Variants in RTF2 observed in about 807,000 individuals in gnomAD.
RTF2 encodes the protein UPF0549 protein C20orf43.
A neutral mutation model predicts 38.0 loss-of-function variants in RTF2; 18 were observed. The ratio of observed to expected loss-of-function variants is 0.47; its 90% CI spans 0.33 to 0.70. The LOEUF (loss-of-function observed/expected upper bound fraction) is 0.70. Ranked by LOEUF, RTF2 falls within the 30% of genes least tolerant of loss-of-function variation. The pLI, the probability that RTF2 is intolerant of heterozygous loss-of-function variation, is 0.02. For synonymous variants in RTF2, 126 were observed against 137.1 expected (o/e 0.92, Z 0.57); for missense variants, 311 against 379.6 (o/e 0.82, Z 1.50).
chr20:56,473,277 A>G (rs776048802), intron 1 of RTF2, 24 bp from the exon 2 acceptor site: 1 of 1,545,036 alleles, frequency 6.5e-7, no homozygotes, highest in East Asian at 2.2e-5. Context: ...TTGAAAATTA[A>G]TTGAATTTTT....
rs80209363 is a variant in RTF2, at chr20:56,498,590, A to G, written c.477+14401A>G. Reference sequence around the variant, plus strand: ...TAATAACATTATTTGATAATCATGTAGTTGTTTGTCTTGAGTCTACAGAGG... The same window carrying G: ...TAATAACATTATTTGATAATCATGTGGTTGTTTGTCTTGAGTCTACAGAGG... On this transcript the variant is annotated intron_variant, in intron 5 of 8. Coordinates refer to ENST00000357348, the MANE Select transcript of RTF2 (RefSeq NM_016407.5). Among the ~76,000 whole-genome samples, 1,030 of 152,280 alleles carry G rather than the reference A, an allele frequency of 6.8e-3. 13 individuals are homozygous for G. The highest frequency in any genetic ancestry group is 0.024 in the African/African-American group (980 of 41,548).
chr20:56,504,824 C>T (rs551318356), intron 5 of RTF2, among the ~76,000 whole-genome samples: 4 of 152,346 alleles, frequency 2.6e-5, no homozygotes, highest in African/African-American at 4.8e-5. Context: ...TGTGCCTTGA[C>T]GCCTAAGCGG....
intron 5 of RTF2, among the ~76,000 whole-genome samples, chr20:56,507,607 GTC>G (rs1984363900): frequency 6.6e-6 from 1 of 152,202 alleles, no homozygotes; most frequent in Non-Finnish European, 1.5e-5. Context: ...CCTCTGAACA[GTC>G]TGATCTAGAG....
At chr20:56,480,334 C>T (rs1982470023) in intron 4 of RTF2, among the ~76,000 whole-genome samples, 1 of 152,188 alleles carries the variant, frequency 6.6e-6, no homozygotes, top group Admixed American at 6.5e-5. Context: ...AGCTTTCTTG[C>T]CTCTGTCAGC....
chr20:56,518,927 G>A lies in RTF2; in HGVS notation c.*662G>A, dbSNP rs552564473. On this transcript the variant is annotated 3_prime_UTR_variant, in exon 9 of 9. Transcript: ENST00000357348. Reference sequence around the variant, plus strand: ...TTTTCTACCTTCTGCTCATGCTTGGGTAAGAACATTGCAGCCGTTGCATTG... The same window carrying A: ...TTTTCTACCTTCTGCTCATGCTTGGATAAGAACATTGCAGCCGTTGCATTG... The A allele has an allele frequency of 6.6e-6, 1 of 152,294 alleles. No individual in the cohort carries two copies. The highest frequency in any genetic ancestry group is 2.1e-4 in the South Asian group (1 of 4,826). 9.4% of individuals were successfully genotyped at this position (152,294 alleles called of 1,614,324 possible).
intron 4 of RTF2, among the ~76,000 whole-genome samples, chr20:56,482,123 AT>A (rs1600800578): frequency 6.6e-6 from 1 of 152,122 alleles, no homozygotes; most frequent in East Asian, 1.9e-4. Flanking sequence ...TCCATCTGTT[AT>A]TGATAAGAGC....
At chr20:56,497,412 A>G (rs1983620959) in intron 5 of RTF2, 6 of 1,549,138 alleles carry the variant, frequency 3.9e-6, no homozygotes, top group Non-Finnish European at 5.2e-6. Flanking sequence ...AAATTTTGCA[A>G]TTTAGGGGGC....
At chr20:56,480,462 A>C (rs1982477504) in intron 4 of RTF2, among the ~76,000 whole-genome samples, 1 of 152,234 alleles carries the variant, frequency 6.6e-6, no homozygotes, top group Non-Finnish European at 1.5e-5. Context: ...TCATATCAGC[A>C]ATACGGTTGT....
intron 6 of RTF2, chr20:56,516,031 C>T (rs772058362): frequency 6.6e-5 from 10 of 152,144 alleles, no homozygotes; most frequent in Non-Finnish European, 1.3e-4. Flanking sequence ...TTTGAAGGAC[C>T]GAGTATCAGT....
intron 5 of RTF2, among the ~76,000 whole-genome samples, chr20:56,498,475 A>G (rs1376983986): frequency 1.3e-5 from 2 of 152,070 alleles, no homozygotes; most frequent in South Asian, 2.1e-4. Context: ...CCTGGGTGAC[A>G]GAGTGAGACC....
intron 5 of RTF2, among the ~76,000 whole-genome samples, chr20:56,512,006 C>T (rs1485689238): frequency 6.6e-6 from 1 of 152,112 alleles, no homozygotes; most frequent in African/African-American, 2.4e-5. Context: ...CACCACCATA[C>T]ACAGTTTTTG....
At chr20:56,469,123 G>A (rs1318410142) in intron 1 of RTF2, among the ~76,000 whole-genome samples, 1 of 152,202 alleles carries the variant, frequency 6.6e-6, no homozygotes, top group African/African-American at 2.4e-5. Flanking sequence ...CCTGCGACTA[G>A]TAGCAATAAT....
chr20:56,480,364 G>A (rs547290930), intron 4 of RTF2, among the ~76,000 whole-genome samples: 2 of 152,312 alleles, frequency 1.3e-5, no homozygotes, highest in South Asian at 2.1e-4. Context: ...ATTGAAGAGA[G>A]TTAGGGCCTT....
chr20:56,474,285 A>T (rs1023095827), intron 2 of RTF2, among the ~76,000 whole-genome samples: 4 of 152,104 alleles, frequency 2.6e-5, no homozygotes, highest in African/African-American at 9.7e-5. Flanking sequence ...GTTTGAGACC[A>T]GCCTGGCCAA....
At chr20:56,477,491 C>T (rs1029080382) in intron 4 of RTF2, among the ~76,000 whole-genome samples, 1 of 152,112 alleles carries the variant, frequency 6.6e-6, no homozygotes, top group Non-Finnish European at 1.5e-5. Flanking sequence ...TCAAGCAAAT[C>T]CCATTTCCTT....
chr20:56,503,607 A>G (rs1282116187), intron 5 of RTF2, among the ~76,000 whole-genome samples: 2 of 152,230 alleles, frequency 1.3e-5, no homozygotes, highest in Non-Finnish European at 2.9e-5. Context: ...GACATTTCAA[A>G]TATTACTCAT....
intron 6 of RTF2, among the ~76,000 whole-genome samples, chr20:56,514,700 T>C (rs988095830): frequency 6.6e-6 from 1 of 152,194 alleles, no homozygotes; most frequent in African/African-American, 2.4e-5. Flanking sequence ...GGATCCAGAA[T>C]GATCAGAAAG....
At chr20:56,485,221 G>C (rs530335587) in intron 5 of RTF2, among the ~76,000 whole-genome samples, 1 of 152,324 alleles carries the variant, frequency 6.6e-6, no homozygotes, top group Admixed American at 6.5e-5. Context: ...GGTTTGAGCT[G>C]AGACCCGAAG....
intron 5 of RTF2, among the ~76,000 whole-genome samples, chr20:56,502,107 C>T (rs1156805691): frequency 6.6e-6 from 1 of 152,152 alleles, no homozygotes; most frequent in Non-Finnish European, 1.5e-5. Context: ...TTGACTGAAG[C>T]CATCTAGCAT....
Sources: allele counts gnomAD v4.1 joint callset (sites outside exome capture counted in the v4.1 genomes callset), GRCh38; gene constraint gnomAD v4.1.1; transcripts MANE v1.5; gene names NCBI Gene and HGNC (gene_info 2026-07-23, HGNC 2026-07-21).